Variants in ZNF536 observed in about 807,000 individuals in gnomAD.
The protein encoded by ZNF536 is zinc finger protein 536.
Under a neutral mutation model 84.5 loss-of-function variants are expected in ZNF536, and 13 were observed. The observed-to-expected ratio is 0.15, with a 90% CI of 0.10 to 0.24. The LOEUF (loss-of-function observed/expected upper bound fraction) is 0.24, where lower values mean the gene tolerates loss of function less well. ZNF536 is among the 10% of genes least tolerant of loss of function. The probability of loss-of-function intolerance (pLI) is 1.00; values close to 1 mark genes in which losing one functional copy is unlikely to be tolerated. For synonymous variants in ZNF536, 811 were observed against 742.5 expected, an observed-to-expected ratio of 1.09 and a Z score of -1.50; for missense variants, 1,536 against 1,747.5, an observed-to-expected ratio of 0.88 and a Z score of 2.16.
chr19:30,476,367 T>C (rs1223047516), intron 2 of ZNF536, among the ~76,000 whole-genome samples: 5 of 152,140 alleles, frequency 3.3e-5, no homozygotes, highest in Admixed American at 3.3e-4. Context: ...TGGTCTTCCT[T>C]TTAGGAGTCT....
chr19:30,526,178 G>A (rs2044566815), intron 2 of ZNF536, among the ~76,000 whole-genome samples: 1 of 152,220 alleles, frequency 6.6e-6, no homozygotes, highest in Admixed American at 6.5e-5. Context: ...CACACCTGAT[G>A]TCTTGTCCCA....
chr19:30,401,847 T>C (rs768011040), intron 1 of ZNF536, among the ~76,000 whole-genome samples: 4 of 152,188 alleles, frequency 2.6e-5, no homozygotes, highest in African/African-American at 4.8e-5. Flanking sequence ...TATACTGTTA[T>C]GGGGTTATTT....
At chr19:30,675,902 G>C (rs2050736456) in intron 1 of ZNF536, among the ~76,000 whole-genome samples, 1 of 152,158 alleles carries the variant, frequency 6.6e-6, no homozygotes, top group Non-Finnish European at 1.5e-5. Flanking sequence ...CTGTTGCCTA[G>C]GCTGGAGTGC....
At chr19:30,409,559 C>A in intron 1 of ZNF536, among the ~76,000 whole-genome samples, 1 of 152,200 alleles carries the variant, frequency 6.6e-6, no homozygotes, top group Non-Finnish European at 1.5e-5. Context: ...TGTACACGTT[C>A]TTAATTATTT....
Position 30,251,459 on chromosome 19 carries a change from G to T in ZNF536, c.-190+22786G>T, listed in dbSNP as rs147157076. Among the ~76,000 whole-genome samples, 90 of 152,258 alleles carry T rather than the reference G, an allele frequency of 5.9e-4. 1 individual carries two copies. The highest frequency in any genetic ancestry group is 2.0e-3 in the African/African-American group (84 of 41,546). On this transcript the variant is annotated intron_variant, in intron 1 of 5. Coordinates refer to the ZNF536 transcript ENST00000585628. ...TTGAAGGGGGAGCAGGAACTCACTAGTGTTCCTGCTGATGGTTCCCAGGGC... is the reference window on the plus strand; with the variant it reads ...TTGAAGGGGGAGCAGGAACTCACTATTGTTCCTGCTGATGGTTCCCAGGGC...
At chr19:30,673,637 T>A (rs912938510) in intron 1 of ZNF536, among the ~76,000 whole-genome samples, 6 of 152,174 alleles carry the variant, frequency 3.9e-5, no homozygotes, top group Non-Finnish European at 8.8e-5. Flanking sequence ...CTCCTGTGGC[T>A]GAAGCCTGCA....
chr19:30,537,894 A>T (rs950445191), intron 3 of ZNF536, among the ~76,000 whole-genome samples: 1 of 152,244 alleles, frequency 6.6e-6, no homozygotes. Context: ...CATTCGCCGT[A>T]TGTAAAAGGC....
intron 1 of ZNF536, among the ~76,000 whole-genome samples, chr19:30,600,298 G>T (rs1367738157): frequency 2.0e-5 from 3 of 152,022 alleles, no homozygotes; most frequent in African/African-American, 7.3e-5. Flanking sequence ...TCACCATGTT[G>T]GCCAGGCTGG....
intron 1 of ZNF536, among the ~76,000 whole-genome samples, chr19:30,605,306 C>CA (rs2047830629): frequency 6.6e-6 from 1 of 152,072 alleles, no homozygotes; most frequent in Admixed American, 6.5e-5. Flanking sequence ...ACCCCATACC[C>CA]AATGTGTAGT....
intron 1 of ZNF536, among the ~76,000 whole-genome samples, chr19:30,252,489 C>A (rs943672245): frequency 9.2e-5 from 14 of 152,158 alleles, no homozygotes; most frequent in Non-Finnish European, 1.5e-5. Flanking sequence ...CCTCCATCTA[C>A]CTCAGGTCAA....
chr19:30,272,514 C>A (rs1432752829), intron 1 of ZNF536, among the ~76,000 whole-genome samples: 1 of 152,000 alleles, frequency 6.6e-6, no homozygotes, highest in Non-Finnish European at 1.5e-5. Flanking sequence ...TGACTTGTAT[C>A]CATCATTACA....
At chr19:30,466,580 A>AGAGAGAG (rs2053404582) in intron 2 of ZNF536, among the ~76,000 whole-genome samples, 1 of 76,878 alleles carries the variant, frequency 1.3e-5, no homozygotes, top group African/African-American at 1.3e-4. Flanking sequence ...GAAAGAAAGA[A>AGAGAGAG]AGAAAGAGAG....
chr19:30,226,406 T>G (rs2022616047), upstream of ZNF536, among the ~76,000 whole-genome samples: 2 of 151,994 alleles, frequency 1.3e-5, no homozygotes, highest in Non-Finnish European at 1.5e-5. This position sits in a 1 kb window ranked among gnomAD's most constrained non-coding sequence, Gnocchi z 4.6. Flanking sequence ...CCTTTTTTTT[T>G]TTTCAATTAA....
At chr19:30,360,272 TC>T (rs1235077364) in intron 3 of ZNF536, among the ~76,000 whole-genome samples, 7 of 152,212 alleles carry the variant, frequency 4.6e-5, no homozygotes, top group Non-Finnish European at 7.3e-5. Context: ...TTCTGTACTC[TC>T]CCTTCATCCT....
chr19:30,244,305 C>A (rs760663205), intron 1 of ZNF536, among the ~76,000 whole-genome samples: 1 of 152,090 alleles, frequency 6.6e-6, no homozygotes, highest in Non-Finnish European at 1.5e-5. Flanking sequence ...TCCACCCCCC[C>A]ACCCCTCAGG....
At chr19:30,236,899 A>T (rs2023567656) in intron 1 of ZNF536, among the ~76,000 whole-genome samples, 1 of 152,194 alleles carries the variant, frequency 6.6e-6, no homozygotes, top group South Asian at 2.1e-4. Context: ...CAAGTAATAT[A>T]TTCCAGATAT....
chr19:30,356,017 G>C (rs1218728310), intron 3 of ZNF536, among the ~76,000 whole-genome samples: 1 of 152,194 alleles, frequency 6.6e-6, no homozygotes, highest in Non-Finnish European at 1.5e-5. Flanking sequence ...GTAAGCCACT[G>C]TGCCTGGCCC....
chr19:30,530,330 TTTTG>T (rs1421291009), intron 2 of ZNF536, among the ~76,000 whole-genome samples: 2 of 126,686 alleles, frequency 1.6e-5, no homozygotes, highest in African/African-American at 6.0e-5. Context: ...CTCTCTGTCT[TTTTG>T]TTGTTGTTGT....
chr19:30,415,284 C>CCTTCTTCTTCTTCTTCTTCTTCTT (rs527266201), intron 1 of ZNF536, among the ~76,000 whole-genome samples: 3 of 120,068 alleles, frequency 2.5e-5, no homozygotes, highest in African/African-American at 6.7e-5. Context: ...TCCTCCTCCT[C>CCTTCTTCTTCTTCTTCTTCTTCTT]CTTCTTCTTC....
Sources: allele counts gnomAD v4.1 joint callset (sites outside exome capture counted in the v4.1 genomes callset), GRCh38; gene constraint gnomAD v4.1.1; non-coding constraint Gnocchi (gnomAD v3.1); transcripts MANE v1.5; gene names NCBI Gene and HGNC (gene_info 2026-07-23, HGNC 2026-07-21).